Variants in CDYL observed in about 807,000 individuals in gnomAD.
CDYL encodes the protein chromodomain Y like.
CDYL carries 8 observed loss-of-function variants against 47.3 expected under a neutral mutation model. The observed-to-expected ratio is 0.17, with a 90% CI of 0.10 to 0.31. The LOEUF (loss-of-function observed/expected upper bound fraction) is 0.31, where lower values mean the gene tolerates loss of function less well. Ranked by LOEUF, CDYL falls within the 10% of genes least tolerant of loss-of-function variation. The probability of loss-of-function intolerance (pLI) is 1.00; values close to 1 mark genes in which losing one functional copy is unlikely to be tolerated. For missense variants in CDYL, 471 were observed against 701.4 expected, an observed-to-expected ratio of 0.67 and a Z score of 3.71; for synonymous variants, 266 against 265.0, an observed-to-expected ratio of 1.00 and a Z score of -0.04.
At chr6:4,712,188 C>T (rs146637672) in intron 1 of CDYL, among the ~76,000 whole-genome samples, 20 of 152,294 alleles carry the variant, frequency 1.3e-4, no homozygotes, top group Middle Eastern at 6.8e-3. Context: ...CAGAAAAGAG[C>T]ACCTCTTGAG....
chr6:4,737,170 A>G (rs1757718091), intron 3 of CDYL, among the ~76,000 whole-genome samples: 1 of 152,210 alleles, frequency 6.6e-6, no homozygotes, highest in Non-Finnish European at 1.5e-5. Flanking sequence ...AGTTGTAAAG[A>G]CAACTTTAAA....
chr6:4,857,719 A>G (rs1226399050), intron 1 of CDYL, among the ~76,000 whole-genome samples: 1 of 152,210 alleles, frequency 6.6e-6, no homozygotes, highest in East Asian at 1.9e-4. Flanking sequence ...ACAATCTGTC[A>G]TTGGACATAA....
chr6:4,911,392 G>T (rs897232515), intron 2 of CDYL, among the ~76,000 whole-genome samples: 4 of 152,204 alleles, frequency 2.6e-5, no homozygotes, highest in Non-Finnish European at 5.9e-5. Context: ...GCGCACAGTA[G>T]TTGCTCCGTA....
At chr6:4,746,611 G>A (rs1352058996) in intron 3 of CDYL, among the ~76,000 whole-genome samples, 2 of 152,192 alleles carry the variant, frequency 1.3e-5, no homozygotes, top group African/African-American at 2.4e-5. Flanking sequence ...CAGGCCCAAT[G>A]TCCAGGTACC....
intron 2 of CDYL, among the ~76,000 whole-genome samples, chr6:4,900,774 C>CGTGTGTGTGTGTGTGTGT (rs368919776): frequency 2.6e-4 from 7 of 26,952 alleles, no homozygotes; most frequent in Middle Eastern, 0.024. Flanking sequence ...ATTCCGTATA[C>CGTGTGTGTGTGTGTGTGT]GTGTGTATAT....
intron 1 of CDYL, among the ~76,000 whole-genome samples, chr6:4,801,448 T>C (rs896288419): frequency 6.6e-6 from 1 of 152,232 alleles, no homozygotes; most frequent in African/African-American, 2.4e-5. Context: ...AAGTTGGACA[T>C]ATGCTGTAGT....
chr6:4,794,687 C>T (rs182935152), intron 1 of CDYL, among the ~76,000 whole-genome samples: 1 of 152,200 alleles, frequency 6.6e-6, no homozygotes, highest in African/African-American at 2.4e-5. Flanking sequence ...GTCCCTTACT[C>T]GTATCTCGTC....
intron 2 of CDYL, among the ~76,000 whole-genome samples, chr6:4,895,051 A>C (rs1200079364): frequency 6.8e-6 from 1 of 147,692 alleles, no homozygotes; most frequent in Non-Finnish European, 1.5e-5. Flanking sequence ...CTATATACAC[A>C]TGTACATATG....
chr6:4,769,610 A>G (rs990661174), intron 3 of CDYL, among the ~76,000 whole-genome samples: 1 of 152,180 alleles, frequency 6.6e-6, no homozygotes, highest in Non-Finnish European at 1.5e-5. Context: ...AAAATATCAA[A>G]TTATTTGAAA....
intron 2 of CDYL, among the ~76,000 whole-genome samples, chr6:4,734,598 C>G (rs1757668002): frequency 6.7e-6 from 1 of 149,684 alleles, no homozygotes. Flanking sequence ...TCAGAATTCT[C>G]TAGATGAAAA....
chr6:4,727,905 G>A (rs919568393), intron 2 of CDYL, among the ~76,000 whole-genome samples: 1 of 152,030 alleles, frequency 6.6e-6, no homozygotes, highest in South Asian at 2.1e-4. Flanking sequence ...AGTCTTGCTG[G>A]CTCTTTCTCC....
At position 4,852,515 on chromosome 6, in the gene CDYL, TCTTCCTTCCTTCCTTCCAATCTTCCTTC is replaced by T. The variant is rs1215562226; in HGVS notation, c.25-39160_25-39133del. Among the ~76,000 whole-genome samples, 284 of 87,006 alleles carry T rather than the reference TCTTCCTTCCTTCCTTCCAATCTTCCTTC, an allele frequency of 3.3e-3. 6 individuals are homozygous for T. Among genetic ancestry groups the T allele is most frequent in the African/African-American group, 0.01 (139 of 13,326 alleles). 57.1% of individuals were successfully genotyped at this position (87,006 alleles called of 152,430 possible). ...TCCAATCTTCCTTCCTTCCTTCCAA[TCTTCCTTCCTTCCTTCCAATCTTCCTTC>T]CTTCCTTCCTTCCTTCCAATCTTCC... On this transcript the variant is annotated intron_variant, in intron 1 of 6. Transcript: ENST00000397588.
chr6:4,816,931 C>T (rs1323263886), intron 1 of CDYL, among the ~76,000 whole-genome samples: 1 of 152,142 alleles, frequency 6.6e-6, no homozygotes, highest in Non-Finnish European at 1.5e-5. Flanking sequence ...ACTGAGGTTC[C>T]ACTTGCCCCT....
At position 4,769,791 on chromosome 6, in the gene CDYL, G is replaced by GTTTTGT. The variant is rs755958448; in HGVS notation, c.186+34964_186+34969dup. 3.2e-4 allele frequency among the ~76,000 whole-genome samples: 49 copies of GTTTTGT among 152,108 alleles called. 1 individual carries two copies. Among genetic ancestry groups the GTTTTGT allele is most frequent in the Middle Eastern group, 6.8e-3 (2 of 292 alleles). On this transcript the variant is annotated intron_variant, in intron 3 of 8. Coordinates refer to the CDYL transcript ENST00000328908. ...TGGTAGTTAAGACTTTTTTGTTGTT[G>GTTTTGT]TTTTGTTTTTGTTTTTGTTTTTTGA...
intron 5 of CDYL, 111 bp downstream of exon 5, chr6:4,943,867 A>G (rs1417113373): frequency 1.4e-5 from 11 of 770,808 alleles, no homozygotes; most frequent in Non-Finnish European, 2.2e-5. Context: ...TTCTGTGGGG[A>G]CTTTCCATCT....
intron 1 of CDYL, among the ~76,000 whole-genome samples, chr6:4,859,214 G>A (rs1462511529): frequency 2.0e-5 from 3 of 152,086 alleles, no homozygotes; most frequent in Non-Finnish European, 4.4e-5. Flanking sequence ...GACATGTTCT[G>A]TGGAACAAAC....
chr6:4,937,625 C>T lies in CDYL; in HGVS notation c.1009C>T (p.Leu337=), dbSNP rs1758238025. The change falls in exon 4 of 7, where the codon CTG becomes TTG. Residue 337 remains leucine (L), a synonymous_variant. Transcript: ENST00000397588. The stretch of plus-strand genomic sequence containing the variant: ...CGCTGCCGATGACAGCAAGCTGGTA[C>T]TGCTCAGCGCCGTTGGCAGCGTCTT... ...TAAADDSKLV[L]LSAVGSVFCC... The T allele has an allele frequency of 1.2e-6, 2 of 1,611,224 alleles. No individual in the cohort carries two copies. Among genetic ancestry groups the T allele is most frequent in the African/African-American group, 1.3e-5 (1 of 74,700 alleles).
intron 2 of CDYL, among the ~76,000 whole-genome samples, chr6:4,733,549 C>G (rs986896903): frequency 6.6e-6 from 1 of 152,158 alleles, no homozygotes; most frequent in Non-Finnish European, 1.5e-5. Flanking sequence ...TTTTCAACCT[C>G]TGGCTCCAAA....
intron 2 of CDYL, among the ~76,000 whole-genome samples, chr6:4,716,165 G>A (rs545261499): frequency 1.3e-5 from 2 of 151,618 alleles, no homozygotes; most frequent in East Asian, 3.9e-4. Context: ...GGAGAATGGC[G>A]TGAACCCGGG....
Sources: gnomAD v4.1 joint callset for allele counts (sites outside exome capture counted in the v4.1 genomes callset) on GRCh38, gnomAD v4.1.1 for gene constraint, MANE v1.5 for transcripts, NCBI Gene and HGNC (gene_info 2026-07-23, HGNC 2026-07-21) for gene names.